Variants in FBXL17 observed in about 807,000 individuals in gnomAD.
The protein encoded by FBXL17 is F-box/LRR-repeat protein 17.
In FBXL17, 22 loss-of-function variants were observed where a neutral mutation model predicts 66.2. That is an observed-to-expected ratio of 0.33 (90% confidence interval 0.24 to 0.47). The LOEUF (loss-of-function observed/expected upper bound fraction) is 0.47, where lower values mean the gene tolerates loss of function less well. Among genes scored for constraint, FBXL17 ranks in the 20% least tolerant of loss-of-function variants. FBXL17 has a pLI of 1.00. For missense variants in FBXL17, 878 were observed against 948.2 expected, an observed-to-expected ratio of 0.93 and a Z score of 0.97; for synonymous variants, 474 against 400.5, an observed-to-expected ratio of 1.18 and a Z score of -2.19.
chr5:108,161,400 T>G (rs56287990), intron 6 of FBXL17, among the ~76,000 whole-genome samples: 18,111 of 152,116 alleles, frequency 0.12, 1,289 homozygotes, highest in East Asian at 0.16. Flanking sequence ...GCAGGAGAAT[T>G]GCTTGAACCC....
intron 2 of FBXL17, among the ~76,000 whole-genome samples, chr5:108,366,558 C>A (rs375259053): frequency 8.9e-6 from 1 of 112,668 alleles, no homozygotes; most frequent in African/African-American, 3.4e-5. Flanking sequence ...CTACCAGTAG[C>A]GGGCTGGGTG....
At position 108,377,405 on chromosome 5, in the gene FBXL17, C is replaced by A. The variant is rs538444548; in HGVS notation, c.993+3294G>T. Among the ~76,000 whole-genome samples the A allele has an allele frequency of 2.6e-5, 4 of 152,326 alleles. No homozygotes were observed. The East Asian group carries it at 7.7e-4, about 29-fold the overall frequency. ...ATGGTTTTTCCTTGTTTTCCCCTAC[C>A]AAGTTCAGTACATTTTATCGACAAA... On this transcript the variant is annotated intron_variant, in intron 1 of 8. Transcript: ENST00000542267.
At chr5:108,061,735 GA>G (rs1747932191) in intron 6 of FBXL17, among the ~76,000 whole-genome samples, 1 of 152,140 alleles carries the variant, frequency 6.6e-6, no homozygotes, top group Admixed American at 6.6e-5. Context: ...CTCGTCAAGA[GA>G]AGTATATAAA....
intron 8 of FBXL17, among the ~76,000 whole-genome samples, chr5:107,870,266 T>C (rs2900119): frequency 0.42 from 63,779 of 152,098 alleles, 15,639 homozygotes; most frequent in African/African-American, 0.68. Flanking sequence ...TCCCATGACA[T>C]GACACCTCTG....
intron 4 of FBXL17, among the ~76,000 whole-genome samples, chr5:108,244,557 A>G (rs1456860260): frequency 6.6e-6 from 1 of 152,162 alleles, no homozygotes; most frequent in Non-Finnish European, 1.5e-5. Context: ...CAATGTACAA[A>G]CACTTCCTTT....
intron 5 of FBXL17, among the ~76,000 whole-genome samples, chr5:108,218,056 C>T (rs1278456878): frequency 1.4e-5 from 2 of 139,410 alleles, no homozygotes; most frequent in Admixed American, 7.7e-5. Flanking sequence ...CTCACTCTGT[C>T]GCCTAGGCTG....
intron 4 of FBXL17, among the ~76,000 whole-genome samples, chr5:108,225,068 C>T (rs56044682): frequency 0.15 from 22,169 of 152,112 alleles, 1,689 homozygotes; most frequent in Admixed American, 0.17. Flanking sequence ...CCAAAGACCC[C>T]ATGCCCATTA....
intron 5 of FBXL17, among the ~76,000 whole-genome samples, chr5:108,217,307 G>A (rs1754647990): frequency 6.6e-6 from 1 of 152,066 alleles, no homozygotes; most frequent in Admixed American, 6.5e-5. Flanking sequence ...GGTAGGACAA[G>A]AACTCCCAGC....
intron 1 of FBXL17, among the ~76,000 whole-genome samples, chr5:108,377,269 T>C (rs912673905): frequency 1.3e-5 from 2 of 152,212 alleles, no homozygotes; most frequent in African/African-American, 4.8e-5. Context: ...TGCCAGGATA[T>C]GTGAAGAGGT....
rs141419745 is a variant in FBXL17, at chr5:108,135,199, T to A, written c.1745+50918A>T. Among the ~76,000 whole-genome samples, 312 of 152,228 alleles carry A rather than the reference T, an allele frequency of 2.0e-3. 1 individual carries two copies. The highest frequency in any genetic ancestry group is 3.6e-3 in the Non-Finnish European group (248 of 67,996). ...GCCCATAGCTTTTATAAGTCATCTGTTTACTTAGCATAGATTTGGAGAAAA... is the reference window on the plus strand; with the variant it reads ...GCCCATAGCTTTTATAAGTCATCTGATTACTTAGCATAGATTTGGAGAAAA... On this transcript the variant is annotated intron_variant, in intron 6 of 8. Coordinates refer to ENST00000542267, the MANE Select transcript of FBXL17 (RefSeq NM_001163315.3).
intron 7 of FBXL17, among the ~76,000 whole-genome samples, chr5:107,920,655 T>C (rs1750285106): frequency 6.6e-6 from 1 of 152,208 alleles, no homozygotes. Flanking sequence ...AATTCATAAG[T>C]GAACTTTTGA....
At chr5:107,999,186 C>T (rs1022467561) in intron 7 of FBXL17, among the ~76,000 whole-genome samples, 2 of 152,040 alleles carry the variant, frequency 1.3e-5, no homozygotes, top group African/African-American at 2.4e-5. Context: ...GGTTAGTTTG[C>T]GACAGAGTGA....
At chr5:108,225,271 T>C (rs1755053297) in intron 4 of FBXL17, among the ~76,000 whole-genome samples, 1 of 152,210 alleles carries the variant, frequency 6.6e-6, no homozygotes, top group Non-Finnish European at 1.5e-5. Context: ...GGCTGAAAAA[T>C]ATTCCATTGT....
intron 3 of FBXL17, among the ~76,000 whole-genome samples, chr5:108,350,712 G>C (rs1034639887): frequency 1.3e-5 from 2 of 152,282 alleles, no homozygotes; most frequent in South Asian, 4.1e-4. Flanking sequence ...TTCTAACCCA[G>C]AATTCTGTAC....
intron 4 of FBXL17, among the ~76,000 whole-genome samples, chr5:108,334,242 A>T (rs1271715757): frequency 1.3e-5 from 2 of 152,206 alleles, no homozygotes; most frequent in Non-Finnish European, 2.9e-5. Context: ...CTTCTAATTC[A>T]CTGTACATCA....
intron 7 of FBXL17, among the ~76,000 whole-genome samples, chr5:107,897,263 G>A (rs1749415750): frequency 6.6e-6 from 1 of 152,060 alleles, no homozygotes; most frequent in Non-Finnish European, 1.5e-5. Context: ...TTATTAGTAA[G>A]GAAAAGAAGC....
At chr5:108,013,768 T>C (rs1315639701) in intron 7 of FBXL17, among the ~76,000 whole-genome samples, 2 of 152,170 alleles carry the variant, frequency 1.3e-5, no homozygotes, top group African/African-American at 2.4e-5. Context: ...AGAGATCATA[T>C]AGGCTGATTT....
intron 4 of FBXL17, among the ~76,000 whole-genome samples, chr5:108,288,091 C>G (rs1396353168): frequency 6.6e-6 from 1 of 151,834 alleles, no homozygotes; most frequent in Non-Finnish European, 1.5e-5. Flanking sequence ...AAGAAGAGAA[C>G]AGACACCAGG....
At chr5:108,042,080 A>C (rs1035711304) in intron 6 of FBXL17, among the ~76,000 whole-genome samples, 2 of 151,988 alleles carry the variant, frequency 1.3e-5, no homozygotes, top group Middle Eastern at 3.2e-3. Flanking sequence ...TTTTTAGTAG[A>C]GAGGGGGTTT....
Sources: allele counts gnomAD v4.1 joint callset (sites outside exome capture counted in the v4.1 genomes callset), GRCh38; gene constraint gnomAD v4.1.1; transcripts MANE v1.5; gene names NCBI Gene and HGNC (gene_info 2026-07-23, HGNC 2026-07-21).